The following TBC1D4 variants were observed in gnomAD, a reference collection of about 807,000 sequenced individuals.
TBC1D4 encodes TBC (Tre-2, BUB2, CDC16) domain-containing protein.
A neutral mutation model predicts 142.5 loss-of-function variants in TBC1D4; 121 were observed. That is an observed-to-expected ratio of 0.85 (90% confidence interval 0.73 to 0.99). The LOEUF is 0.99. Ranked by LOEUF, TBC1D4 falls within the 50% of genes least tolerant of loss-of-function variation. TBC1D4 has a pLI of 0.00. For synonymous variants in TBC1D4, 630 were observed against 628.2 expected (o/e 1.00, Z -0.04); for missense variants, 1,475 against 1,606.6 (o/e 0.92, Z 1.40).
intron 5 of TBC1D4, among the ~76,000 whole-genome samples, chr13:75,342,591 C>T: frequency 6.6e-6 from 1 of 152,106 alleles, no homozygotes; most frequent in East Asian, 1.9e-4. Flanking sequence ...CATTCTTACA[C>T]ATAATTTATA....
rs1464069980 is a variant in TBC1D4 at position 75,284,672 on chromosome 13, G to T, written c.*2120C>A. ...CCCGAAAAGTAACAGTATACGTCAA[G>T]AAAGCTGCAGCAATATATTTATTGC... On this transcript the variant is annotated 3_prime_UTR_variant, in exon 21 of 21. Transcript: ENST00000377636. 1 of 152,190 alleles carries T rather than the reference G, an allele frequency of 6.6e-6. No individual in the cohort carries two copies. The highest frequency in any genetic ancestry group is 1.5e-5 in the Non-Finnish European group (1 of 68,028). The allele number at this position is 152,190 out of a possible 1,614,324, so 9.4% of individuals were successfully genotyped here. A position where few individuals can be genotyped will look rare whatever the true frequency, so the allele number is the denominator to read the frequency against.
chr13:75,299,962 C>T (rs1876364974), intron 16 of TBC1D4, among the ~76,000 whole-genome samples: 1 of 151,864 alleles, frequency 6.6e-6, no homozygotes, highest in Non-Finnish European at 1.5e-5. Flanking sequence ...TAAAGACTAC[C>T]TTCTAAATGA....
chr13:75,396,531 A>AT (rs1884802752), intron 1 of TBC1D4, among the ~76,000 whole-genome samples: 2 of 152,308 alleles, frequency 1.3e-5, no homozygotes, highest in East Asian at 1.9e-4. Flanking sequence ...GGCATATTGT[A>AT]TTTGTGTCAC....
chr13:75,299,010 T>C (rs1369338419), intron 17 of TBC1D4, among the ~76,000 whole-genome samples: 1 of 152,224 alleles, frequency 6.6e-6, no homozygotes, highest in African/African-American at 2.4e-5. Flanking sequence ...TGAATAAAGA[T>C]GATTTGATAC....
chr13:75,480,808 T>C (rs1022443193), intron 1 of TBC1D4, among the ~76,000 whole-genome samples: 18 of 152,094 alleles, frequency 1.2e-4, no homozygotes, highest in Non-Finnish European at 2.5e-4. Flanking sequence ...TGACTGCGAT[T>C]GAGAACTAGT....
In TBC1D4 at chr13:75,356,202, T is replaced by C. The variant is rs746658734; in HGVS notation, c.1220A>G (p.Glu407Gly). The change falls in exon 4 of 21, where the codon GAG becomes GGG. Residue 407 changes from glutamate (E) to glycine (G), a missense_variant. This residue lies in a region of TBC1D4 where 1,227 missense variants were observed against 1,267.7 expected (regional missense o/e 0.97). Transcript: ENST00000377636. The part of the protein sequence containing the change: ...HFGFICRESP[E>G]PGLSQYICYV... ...ACAAATATACTGGCTAAGTCCAGGC[T>C]CTGGAGACTCCCGGCAGATAAAGCC... 6 of 1,613,846 alleles carry C rather than the reference T, an allele frequency of 3.7e-6. No individual in the cohort carries two copies. In the South Asian group the frequency reaches 6.6e-5, roughly 18 times the overall value.
At chr13:75,378,790 T>A (rs1379486513) in intron 1 of TBC1D4, among the ~76,000 whole-genome samples, 1 of 152,136 alleles carries the variant, frequency 6.6e-6, no homozygotes, top group Non-Finnish European at 1.5e-5. Flanking sequence ...ACTGGAAAAC[T>A]GATGGCCATC....
intron 18 of TBC1D4, among the ~76,000 whole-genome samples, chr13:75,293,119 A>G (rs1875515228): frequency 6.6e-6 from 1 of 152,178 alleles, no homozygotes; most frequent in Admixed American, 6.5e-5. Flanking sequence ...TGTGCCCTGC[A>G]CTCCAGCCTA....
intron 1 of TBC1D4, among the ~76,000 whole-genome samples, chr13:75,479,499 T>G (rs1022414766): frequency 1.3e-5 from 2 of 151,990 alleles, no homozygotes; most frequent in South Asian, 4.2e-4. Flanking sequence ...TTCCTACCAA[T>G]GAGACCAAGA....
At chr13:75,291,421 T>G (rs965931418) in intron 19 of TBC1D4, among the ~76,000 whole-genome samples, 6 of 152,172 alleles carry the variant, frequency 3.9e-5, no homozygotes, top group Non-Finnish European at 8.8e-5. Flanking sequence ...TTGAACAGCT[T>G]CCCTATGTTA....
At chr13:75,302,502 T>A in intron 15 of TBC1D4, 101 bp from the exon 16 acceptor site, 1 of 1,341,658 alleles carries the variant, frequency 7.5e-7, no homozygotes, top group South Asian at 1.2e-5. Flanking sequence ...GGCAGCTGTA[T>A]GTACTGCATG....
chr13:75,368,204 A>G (rs948819404), intron 1 of TBC1D4, among the ~76,000 whole-genome samples: 2 of 152,244 alleles, frequency 1.3e-5, no homozygotes, highest in African/African-American at 4.8e-5. Flanking sequence ...GTAAAACTGT[A>G]AAACTAAGGG....
intron 1 of TBC1D4, among the ~76,000 whole-genome samples, chr13:75,441,044 C>A (rs1000620353): frequency 6.6e-6 from 1 of 152,034 alleles, no homozygotes; most frequent in Non-Finnish European, 1.5e-5. Context: ...ATCATGAGGT[C>A]AGGAGTTTGA....
chr13:75,396,917 T>G (rs977667349), intron 1 of TBC1D4, among the ~76,000 whole-genome samples: 1 of 152,082 alleles, frequency 6.6e-6, no homozygotes, highest in Non-Finnish European at 1.5e-5. Flanking sequence ...GAGAGCTTAC[T>G]TAAAGATATG....
intron 1 of TBC1D4, among the ~76,000 whole-genome samples, chr13:75,454,995 C>G (rs1391597815): frequency 1.3e-5 from 2 of 152,122 alleles, no homozygotes; most frequent in African/African-American, 2.4e-5. Context: ...AATGCTTTCC[C>G]TAGTTAAATA....
chr13:75,402,364 GCCGCAACTTAAGC>G (rs1885134684), intron 1 of TBC1D4, among the ~76,000 whole-genome samples: 1 of 152,052 alleles, frequency 6.6e-6, no homozygotes, highest in Admixed American at 6.6e-5. Context: ...ATTCTTCTAT[GCCGCAACTTAAGC>G]TTTCGTTGAA....
chr13:75,327,008 T>C (rs1005594662), intron 9 of TBC1D4, among the ~76,000 whole-genome samples: 5 of 152,224 alleles, frequency 3.3e-5, no homozygotes, highest in Non-Finnish European at 7.3e-5. Flanking sequence ...TTCCCTGAGG[T>C]AAATTTCTTT....
chr13:75,361,454 C>G (rs1002724721), intron 2 of TBC1D4, among the ~76,000 whole-genome samples: 3 of 152,136 alleles, frequency 2.0e-5, no homozygotes, highest in Non-Finnish European at 4.4e-5. Flanking sequence ...AATCTCAGCT[C>G]ACTACAACCT....
At chr13:75,411,167 G>A (rs1036883855) in intron 1 of TBC1D4, among the ~76,000 whole-genome samples, 1 of 151,966 alleles carries the variant, frequency 6.6e-6, no homozygotes, top group African/African-American at 2.4e-5. Context: ...GACCTTAGAA[G>A]GCAAGCACAT....
Sources: gnomAD v4.1 joint callset for allele counts (sites outside exome capture counted in the v4.1 genomes callset) on GRCh38, gnomAD v4.1.1 for gene constraint, gnomAD v4.1.1 regional missense constraint, MANE v1.5 for transcripts, NCBI Gene and HGNC (gene_info 2026-07-23, HGNC 2026-07-21) for gene names.